ITGB5: variants seen among roughly 807,000 people sequenced by gnomAD.
The protein encoded by ITGB5 is integrin subunit beta 5, also known as integrin beta-5.
Under a neutral mutation model 84.8 loss-of-function variants are expected in ITGB5, and 38 were observed. That is an observed-to-expected ratio of 0.45 (90% CI 0.35 to 0.59). The LOEUF (loss-of-function observed/expected upper bound fraction) is 0.59, where lower values mean the gene tolerates loss of function less well. Ranked by LOEUF, ITGB5 falls within the 20% of genes least tolerant of loss-of-function variation. The pLI, the probability that ITGB5 is intolerant of heterozygous loss-of-function variation, is 0.01. For missense variants in ITGB5, 905 were observed against 1,034.5 expected (o/e 0.87, Z 1.72); for synonymous variants, 393 against 414.4 (o/e 0.95, Z 0.63).
chr3:124,790,534 A>G (rs2064135074), intron 10 of ITGB5, among the ~76,000 whole-genome samples: 1 of 151,978 alleles, frequency 6.6e-6, no homozygotes, highest in Admixed American at 6.5e-5. Flanking sequence ...TTGACTAGAC[A>G]TGGTTAACAG....
At chr3:124,817,309 C>T (rs930662772) in intron 8 of ITGB5, among the ~76,000 whole-genome samples, 15 of 152,302 alleles carry the variant, frequency 9.8e-5, no homozygotes, top group Non-Finnish European at 1.8e-4. Flanking sequence ...CCACTGCCTG[C>T]CTATGCGAGG....
At chr3:124,818,589 C>T (rs1441853773) in intron 7 of ITGB5, among the ~76,000 whole-genome samples, 2 of 137,956 alleles carry the variant, frequency 1.4e-5, no homozygotes, top group African/African-American at 5.4e-5. Flanking sequence ...TCTTGGTTCA[C>T]GGCAACCTCT....
chr3:124,867,272 T>C (rs1387071153), intron 2 of ITGB5, among the ~76,000 whole-genome samples: 1 of 152,206 alleles, frequency 6.6e-6, no homozygotes, highest in East Asian at 1.9e-4. Context: ...ATGGCCTCAC[T>C]GTTCTTCTCC....
At chr3:124,892,691 TAAAAAAAAA>T (rs35455753) in intron 1 of ITGB5, among the ~76,000 whole-genome samples, 1 of 91,686 alleles carries the variant, frequency 1.1e-5, no homozygotes, top group South Asian at 3.9e-4. Context: ...GGAGACTCTG[TAAAAAAAAA>T]AAAAAAAAAA....
At chr3:124,818,502 C>CTTTTT (rs143582866) in intron 7 of ITGB5, among the ~76,000 whole-genome samples, 5 of 68,212 alleles carry the variant, frequency 7.3e-5, no homozygotes, top group South Asian at 1.3e-3. Context: ...AGTGCATAGG[C>CTTTTT]TTTTTTTTTT....
chr3:124,899,137 C>A (rs1351631834), intron 1 of ITGB5, among the ~76,000 whole-genome samples: 1 of 151,838 alleles, frequency 6.6e-6, no homozygotes. Flanking sequence ...ATGGTAAAGA[C>A]CCCTTACTCA....
rs1255421411 is a variant in ITGB5, at chr3:124,879,841, T to C, written c.71-6310A>G. On this transcript the variant is annotated intron_variant, in intron 1 of 14. Transcript: ENST00000296181. ...AAACCCTCAGGATACATAAGAAAGC[T>C]TATTAGCTTTATAATAGGAACTATA... is the stretch of plus-strand genomic sequence containing the variant. Among the ~76,000 whole-genome samples the C allele has an allele frequency of 3.3e-5, 5 of 152,222 alleles. 1 individual carries two copies. Among genetic ancestry groups the C allele is most frequent in the African/African-American group, 1.2e-4 (5 of 41,460 alleles).
At chr3:124,892,437 C>A (rs1579352088), upstream of ITGB5, among the ~76,000 whole-genome samples, 1 of 150,218 alleles carries the variant, frequency 6.7e-6, no homozygotes, top group African/African-American at 2.5e-5. Context: ...ATAATCCCAG[C>A]ACTTTGGGAG....
intron 8 of ITGB5, among the ~76,000 whole-genome samples, chr3:124,813,528 C>A (rs1013620945): frequency 6.6e-6 from 1 of 152,184 alleles, no homozygotes; most frequent in Non-Finnish European, 1.5e-5. Context: ...TTCAAATTCC[C>A]ATGACCCCTC....
intron 1 of ITGB5, among the ~76,000 whole-genome samples, chr3:124,882,349 G>A (rs144894292): frequency 6.6e-6 from 1 of 152,338 alleles, no homozygotes; most frequent in African/African-American, 2.4e-5. Context: ...CAGATAAAAA[G>A]AACTCGGGAT....
At chr3:124,828,230 C>T (rs1029846502) in intron 5 of ITGB5, among the ~76,000 whole-genome samples, 9 of 152,186 alleles carry the variant, frequency 5.9e-5, no homozygotes, top group Non-Finnish European at 1.2e-4. Flanking sequence ...CATACAAAGA[C>T]ATGAACATGA....
At chr3:124,885,940 C>T (rs1273620401) in intron 1 of ITGB5, among the ~76,000 whole-genome samples, 1 of 152,184 alleles carries the variant, frequency 6.6e-6, no homozygotes, top group Non-Finnish European at 1.5e-5. Context: ...CCACTTGGCT[C>T]ACAAGAGCAA....
At chr3:124,842,828 T>A (rs1423154914) in intron 4 of ITGB5, among the ~76,000 whole-genome samples, 5 of 152,172 alleles carry the variant, frequency 3.3e-5, no homozygotes, top group Non-Finnish European at 5.9e-5. Flanking sequence ...GCAGGCTCCC[T>A]TCTGTAAAGG....
intron 5 of ITGB5, among the ~76,000 whole-genome samples, chr3:124,830,285 T>G (rs1171956370): frequency 6.6e-6 from 1 of 152,186 alleles, no homozygotes; most frequent in Non-Finnish European, 1.5e-5. Context: ...TTTTCCCTGG[T>G]CTCGGTCCCA....
At chr3:124,875,822 T>TA (rs748599688) in intron 1 of ITGB5, among the ~76,000 whole-genome samples, 18 of 152,184 alleles carry the variant, frequency 1.2e-4, no homozygotes, top group Non-Finnish European at 2.4e-4. Context: ...TATTCAGCCT[T>TA]AAAAAATTGA....
intron 2 of ITGB5, among the ~76,000 whole-genome samples, chr3:124,864,036 GAAAAGAA>G (rs2065345308): frequency 1.2e-5 from 1 of 80,896 alleles, no homozygotes; most frequent in African/African-American, 3.9e-5. Flanking sequence ...AAGAAAGAAA[GAAAAGAA>G]AAAAGAAAAA....
intron 5 of ITGB5, among the ~76,000 whole-genome samples, chr3:124,830,013 C>T (rs73199524): frequency 0.22 from 33,725 of 152,110 alleles, 3,886 homozygotes; most frequent in Non-Finnish European, 0.24. Flanking sequence ...GGACTCCTCC[C>T]AGGAGTGAAG....
intron 10 of ITGB5, among the ~76,000 whole-genome samples, chr3:124,777,866 G>A (rs1003732115): frequency 1.3e-5 from 2 of 152,200 alleles, no homozygotes; most frequent in African/African-American, 2.4e-5. Flanking sequence ...GCCTCAACCT[G>A]CCTTTCCCTC....
At chr3:124,786,061 T>C (rs1361122056) in intron 10 of ITGB5, among the ~76,000 whole-genome samples, 1 of 152,102 alleles carries the variant, frequency 6.6e-6, no homozygotes, top group Non-Finnish European at 1.5e-5. Flanking sequence ...TTTTCCCCAA[T>C]GTAAATAGTC....
Sources: gnomAD v4.1 joint callset for allele counts (sites outside exome capture counted in the v4.1 genomes callset) on GRCh38, gnomAD v4.1.1 for gene constraint, MANE v1.5 for transcripts, NCBI Gene and HGNC (gene_info 2026-07-23, HGNC 2026-07-21) for gene names.